Variants in RPAP3 observed in about 807,000 individuals in gnomAD.
RPAP3 encodes the protein RNA polymerase II-associated protein 3.
Under a neutral mutation model 88.8 loss-of-function variants are expected in RPAP3, and 58 were observed. The observed-to-expected ratio is 0.65, with a 90% confidence interval of 0.53 to 0.81. The LOEUF is 0.81. Among genes scored for constraint, RPAP3 ranks in the 40% least tolerant of loss-of-function variants. The pLI is 0.00. For synonymous variants in RPAP3, 255 were observed against 259.9 expected, an observed-to-expected ratio of 0.98 and a Z score of 0.18; for missense variants, 751 against 764.3, an observed-to-expected ratio of 0.98 and a Z score of 0.20.
chr12:47,703,642 T>C (rs1939703724), intron 1 of RPAP3, among the ~76,000 whole-genome samples: 1 of 152,054 alleles, frequency 6.6e-6, no homozygotes, highest in African/African-American at 2.4e-5. Context: ...GAACTTTAGC[T>C]GGATTTCAAA....
At chr12:47,676,540 C>T (rs987567138) in intron 12 of RPAP3, among the ~76,000 whole-genome samples, 37 of 152,052 alleles carry the variant, frequency 2.4e-4, no homozygotes, top group Non-Finnish European at 8.8e-5. Flanking sequence ...ATCAAATATA[C>T]ACAATACAAA....
At chr12:47,683,695 G>A (rs1455315469) in intron 9 of RPAP3, among the ~76,000 whole-genome samples, 1 of 152,132 alleles carries the variant, frequency 6.6e-6, no homozygotes, top group Non-Finnish European at 1.5e-5. Context: ...ACATCTTTTA[G>A]GTGGTTGGAG....
rs747892721 is a variant in RPAP3, at chr12:47,681,723, A to G, written c.1087T>C (p.Leu363=). The G allele has an allele frequency of 3.1e-6, 5 of 1,612,586 alleles. No individual in the cohort carries two copies. The Admixed American group carries it at 6.7e-5, about 22-fold the overall frequency. Reference sequence around the variant, plus strand: ...TGTTTTGCCTCATTTAGCTTTCCCAAAAATGTTCTTGCAGTTCCTCTTCTG... The same window carrying G: ...TGTTTTGCCTCATTTAGCTTTCCCAGAAATGTTCTTGCAGTTCCTCTTCTG... ...FARRGTARTF[L]GKLNEAKQDF... The change falls in exon 10 of 17, where the codon TTG becomes CTG. Residue 363 remains leucine (L), a synonymous_variant. Coordinates refer to ENST00000005386, the MANE Select transcript of RPAP3 (RefSeq NM_024604.3).
rs1424180325 is a variant in RPAP3, at chr12:47,661,786, A to T, written c.*1719T>A. On this transcript the variant is annotated 3_prime_UTR_variant, in exon 17 of 17. Transcript: ENST00000005386. ...GTTTTGGCCAATTTTTAGCTCTATA[A>T]TCATGCAGAGAACATTAACCCTCTG... 6.6e-6 allele frequency: 1 copy of T among 152,170 alleles called. No individual in the cohort carries two copies. The highest frequency in any genetic ancestry group is 1.5e-5 in the Non-Finnish European group (1 of 68,030). 9.4% of individuals were successfully genotyped at this position (152,170 alleles called of 1,614,324 possible).
At chr12:47,673,642 C>T (rs960313861) in intron 12 of RPAP3, among the ~76,000 whole-genome samples, 5 of 151,960 alleles carry the variant, frequency 3.3e-5, no homozygotes, top group African/African-American at 1.2e-4. Context: ...ATGAAGAAAA[C>T]TGTTATGCAA....
intron 5 of RPAP3, among the ~76,000 whole-genome samples, chr12:47,695,758 T>C (rs1939512453): frequency 6.6e-6 from 1 of 152,226 alleles, no homozygotes; most frequent in Non-Finnish European, 1.5e-5. Context: ...AATGTCTTCC[T>C]TGATGGTGTT....
intron 6 of RPAP3, among the ~76,000 whole-genome samples, chr12:47,689,996 C>T (rs1246326482): frequency 6.8e-6 from 1 of 147,402 alleles, no homozygotes; most frequent in Admixed American, 6.8e-5. Context: ...GAGCAGAGAT[C>T]ACACCATTGC....
chr12:47,664,248 C>A (rs1011000501), intron 16 of RPAP3, among the ~76,000 whole-genome samples: 1 of 151,844 alleles, frequency 6.6e-6, no homozygotes, highest in East Asian at 1.9e-4. Flanking sequence ...AAATTAGCCG[C>A]GAGTGATGGC....
At chr12:47,687,798 G>A in intron 8 of RPAP3, 78 bp downstream of exon 8, 2 of 1,468,336 alleles carry the variant, frequency 1.4e-6, no homozygotes, top group Non-Finnish European at 1.8e-6. Flanking sequence ...AGAGAAGAAA[G>A]AAATTAACTG....
At chr12:47,685,158 C>T (rs1411382468) in intron 9 of RPAP3, among the ~76,000 whole-genome samples, 1 of 152,150 alleles carries the variant, frequency 6.6e-6, no homozygotes, top group Non-Finnish European at 1.5e-5. Flanking sequence ...ACGGGCAGAT[C>T]ACCTGAGGTC....
In RPAP3 at chr12:47,697,713, T is replaced by C; in HGVS notation, c.301A>G (p.Ile101Val). The C allele has an allele frequency of 1.9e-6, 3 of 1,595,050 alleles. No homozygotes were observed. The highest frequency in any genetic ancestry group is 2.6e-6 in the Non-Finnish European group (3 of 1,174,580). The change falls in exon 4 of 17, where the codon ATC becomes GTC. Residue 101 changes from isoleucine (I) to valine (V), a missense_variant. Ile to Val is a conservative substitution (Grantham distance 29). Transcript: ENST00000005386. ...EAWAKLDVDR[I>V]LDELDKDDST... Reference sequence around the variant, plus strand: ...TCGTCTTTGTCAAGCTCATCAAGGATACGGTCCTAAAATCAAAAGACGGAA... The same window carrying C: ...TCGTCTTTGTCAAGCTCATCAAGGACACGGTCCTAAAATCAAAAGACGGAA...
At chr12:47,682,519 A>G (rs2524319) in intron 9 of RPAP3, among the ~76,000 whole-genome samples, 113,683 of 152,056 alleles carry the variant, frequency 0.75, 42,897 homozygotes, top group East Asian at 0.82. Context: ...TTTCTTTAGC[A>G]ATAAACGTCA....
chr12:47,696,345 C>T lies in RPAP3; in HGVS notation c.476G>A (p.Gly159Asp). 1 of 1,599,588 alleles carries T rather than the reference C, an allele frequency of 6.3e-7. No homozygotes were observed. The highest frequency in any genetic ancestry group is 8.5e-7 in the Non-Finnish European group (1 of 1,171,992). ...YDEAIDCYTK[G>D]MDADPYNPVL... ...GGGATTATATGGATCGGCATCCATG[C>T]CTTTTGTGTAGCAGTCAATTGCTTC... is the stretch of plus-strand genomic sequence containing the variant. The change falls in exon 5 of 17, where the codon GGC becomes GAC. Residue 159 changes from glycine to aspartate, a missense_variant. Transcript: ENST00000005386.
At chr12:47,694,444 A>G (rs1389571656) in intron 5 of RPAP3, among the ~76,000 whole-genome samples, 1 of 152,260 alleles carries the variant, frequency 6.6e-6, no homozygotes, top group Non-Finnish European at 1.5e-5. Context: ...GAACTCAAGC[A>G]GCAAACTATT....
chr12:47,688,595 A>C (rs551860149), intron 7 of RPAP3, among the ~76,000 whole-genome samples: 1 of 152,348 alleles, frequency 6.6e-6, no homozygotes, highest in African/African-American at 2.4e-5. Context: ...ACACTGTTTT[A>C]GGAGCTGTTT....
In RPAP3 at chr12:47,679,594, C is replaced by T; in HGVS notation, c.1186G>A (p.Glu396Lys). 6.3e-7 allele frequency: 1 copy of T among 1,584,012 alleles called. No homozygotes were observed. Among genetic ancestry groups the T allele is most frequent in the Admixed American group, 1.7e-5 (1 of 58,944 alleles). Reference protein sequence around the residue: ...AVTELSKIKKELIEKGHWDDV... With the variant: ...AVTELSKIKKKLIEKGHWDDV... Reference sequence around the variant, plus strand: ...TCCCAGTGTCCTTTCTCAATTAATTCCTTGAAAATAAATTTATAACCCTAA... The same window carrying T: ...TCCCAGTGTCCTTTCTCAATTAATTTCTTGAAAATAAATTTATAACCCTAA... Residue 396 changes from glutamate (E) to lysine (K), a missense_variant and splice_region_variant, in exon 12 of 17, where the codon GAA becomes AAA. Transcript: ENST00000005386.
rs1193511328 is a variant in RPAP3, at chr12:47,666,981, C to G, written c.1911G>C (p.Lys637Asn). 1.3e-6 allele frequency: 2 copies of G among 1,498,484 alleles called. No homozygotes were observed. Among genetic ancestry groups the G allele is most frequent in the Admixed American group, 2.5e-5 (1 of 40,774 alleles). 92.8% of individuals were successfully genotyped at this position (1,498,484 alleles called of 1,614,324 possible). A position where few individuals can be genotyped will look rare whatever the true frequency, so the allele number is the denominator to read the frequency against. Residue 637 changes from lysine to asparagine, a missense_variant and splice_region_variant, in exon 16 of 17, where the codon AAG becomes AAC. Lys to Asn is a moderately conservative substitution (Grantham distance 94). Coordinates refer to ENST00000005386, the MANE Select transcript of RPAP3 (RefSeq NM_024604.3). ...TGGGAAAACTTTCATAGAACTTACT[C>G]TTTTTCTCTGTTTCTGACATAAACA... ...AVMFMSETEK[K>N]IARALFNHID...
chr12:47,702,472 TGAAC>T (rs981654367), intron 2 of RPAP3, among the ~76,000 whole-genome samples: 7 of 151,946 alleles, frequency 4.6e-5, no homozygotes, highest in African/African-American at 1.7e-4. Flanking sequence ...GAGAACTGCT[TGAAC>T]CCAGGAGGCG....
chr12:47,699,626 T>C (rs1013652146), intron 3 of RPAP3: 18 of 152,232 alleles, frequency 1.2e-4, no homozygotes, highest in African/African-American at 4.3e-4. Flanking sequence ...TTATAAACTA[T>C]GACCCAGCAA....
Sources: gnomAD v4.1 joint callset for allele counts (sites outside exome capture counted in the v4.1 genomes callset) on GRCh38, gnomAD v4.1.1 for gene constraint, MANE v1.5 for transcripts, NCBI Gene and HGNC (gene_info 2026-07-23, HGNC 2026-07-21) for gene names.